Variants in TAFA2 observed in about 807,000 individuals in gnomAD.
The protein encoded by TAFA2 is chemokine-like protein TAFA-2.
In TAFA2, 7 loss-of-function variants were observed where a neutral mutation model predicts 18.8. The observed-to-expected ratio is 0.37, with a 90% CI of 0.21 to 0.70. The LOEUF (loss-of-function observed/expected upper bound fraction) is 0.70. Among genes scored for constraint, TAFA2 ranks in the 30% least tolerant of loss-of-function variants. The pLI, the probability that TAFA2 is intolerant of heterozygous loss-of-function variation, is 0.53. For synonymous variants in TAFA2, 60 were observed against 54.2 expected, an observed-to-expected ratio of 1.11 and a Z score of -0.47; for missense variants, 122 against 158.1, an observed-to-expected ratio of 0.77 and a Z score of 1.23.
intron 1 of TAFA2, among the ~76,000 whole-genome samples, chr12:62,226,745 A>G (rs2136981657): frequency 6.6e-6 from 1 of 152,340 alleles, no homozygotes; most frequent in East Asian, 1.9e-4. Flanking sequence ...ACCCAAGGCA[A>G]AAATATGGAA....
chr12:61,766,404 T>C (rs1466602878), intron 2 of TAFA2, among the ~76,000 whole-genome samples: 1 of 152,080 alleles, frequency 6.6e-6, no homozygotes, highest in African/African-American at 2.4e-5. Context: ...CATCTCTTTG[T>C]CTTTGCCAAG....
At chr12:61,941,877 G>T (rs1414546574) in intron 1 of TAFA2, among the ~76,000 whole-genome samples, 5 of 151,482 alleles carry the variant, frequency 3.3e-5, no homozygotes, top group Admixed American at 1.3e-4. Context: ...GGCTGGGGGA[G>T]GGGCGCCCGC....
chr12:61,859,654 G>C (rs745753411), intron 2 of TAFA2, among the ~76,000 whole-genome samples: 1 of 152,128 alleles, frequency 6.6e-6, no homozygotes, highest in Non-Finnish European at 1.5e-5. Context: ...GTATTGGCCA[G>C]GCTGGTCTCA....
intron 1 of TAFA2, among the ~76,000 whole-genome samples, chr12:62,047,834 T>C (rs1881949729): frequency 6.6e-6 from 1 of 152,124 alleles, no homozygotes; most frequent in Non-Finnish European, 1.5e-5. Flanking sequence ...TGCATCTAAA[T>C]GGAGGTTAAA....
At chr12:62,197,213 G>T (rs1205689924), upstream of TAFA2, among the ~76,000 whole-genome samples, 4 of 152,182 alleles carry the variant, frequency 2.6e-5, no homozygotes, top group African/African-American at 4.8e-5. Context: ...CATGAAACCG[G>T]TCCCTGGTGC....
chr12:61,733,773 T>C (rs1868259569), intron 4 of TAFA2, among the ~76,000 whole-genome samples: 1 of 152,086 alleles, frequency 6.6e-6, no homozygotes, highest in Admixed American at 6.6e-5. Context: ...TTTGGTTCCA[T>C]ACGAACTTTA....
chr12:61,805,453 G>A (rs1450490665), intron 2 of TAFA2, among the ~76,000 whole-genome samples: 1 of 151,788 alleles, frequency 6.6e-6, no homozygotes, highest in East Asian at 1.9e-4. Context: ...ATTTTTCATT[G>A]TAAACAAAAA....
At chr12:62,245,071 CAT>C (rs2062878857) in intron 1 of TAFA2, among the ~76,000 whole-genome samples, 1 of 151,808 alleles carries the variant, frequency 6.6e-6, no homozygotes, top group South Asian at 2.1e-4. Context: ...TTTTATATCT[CAT>C]AAAATAAAGC....
Position 62,213,641 on chromosome 12 carries a change from C to CAAA in TAFA2, c.-130+45119_-130+45121dup, listed in dbSNP as rs5798637. Among the ~76,000 whole-genome samples, 191 of 145,294 alleles carry CAAA rather than the reference C, an allele frequency of 1.3e-3. 1 individual carries two copies. The highest frequency in any genetic ancestry group is 7.2e-3 in the Middle Eastern group (2 of 278). On this transcript the variant is annotated intron_variant, in intron 1 of 5. Transcript: ENST00000551619. ...CTGGTGACAGACTGAGACTCTGTCT[C>CAAA]AAAAAAAAAAAAAAGTGTAAGTTGC...
intron 1 of TAFA2, among the ~76,000 whole-genome samples, chr12:61,954,591 T>C (rs1878587198): frequency 6.6e-6 from 1 of 152,036 alleles, no homozygotes; most frequent in South Asian, 2.1e-4. Flanking sequence ...AGATATATTG[T>C]TGGGGTGGAC....
At chr12:62,010,745 C>G (rs1411730544) in intron 1 of TAFA2, among the ~76,000 whole-genome samples, 2 of 145,428 alleles carry the variant, frequency 1.4e-5, no homozygotes, top group African/African-American at 5.2e-5. Flanking sequence ...AGGTGAGGGG[C>G]GTCTCTGCCC....
chr12:61,899,679 G>C (rs928481794), intron 1 of TAFA2, among the ~76,000 whole-genome samples: 6 of 152,006 alleles, frequency 3.9e-5, no homozygotes, highest in Admixed American at 3.3e-4. Flanking sequence ...GATGAGATTT[G>C]GGTGGGGACA....
chr12:61,861,848 T>C (rs1297306015), intron 2 of TAFA2, among the ~76,000 whole-genome samples: 6 of 152,204 alleles, frequency 3.9e-5, no homozygotes, highest in Non-Finnish European at 5.9e-5. Flanking sequence ...ATTTAAAAAA[T>C]TTTGTTTTTC....
intron 1 of TAFA2, among the ~76,000 whole-genome samples, chr12:61,929,163 A>G (rs1286421229): frequency 6.6e-6 from 1 of 152,068 alleles, no homozygotes. Flanking sequence ...ATAATTTAAA[A>G]AAAAAAAAAA....
intron 1 of TAFA2, among the ~76,000 whole-genome samples, chr12:61,993,622 A>G (rs1880083908): frequency 6.6e-6 from 1 of 152,180 alleles, no homozygotes; most frequent in African/African-American, 2.4e-5. Context: ...ATAAGAGCAC[A>G]AAGAGTAGAT....
intron 2 of TAFA2, among the ~76,000 whole-genome samples, chr12:61,860,117 T>G (rs1342983366): frequency 1.3e-5 from 2 of 152,170 alleles, no homozygotes; most frequent in East Asian, 3.9e-4. Flanking sequence ...AACAGCATGC[T>G]CTCAAATATG....
At chr12:61,941,786 T>A (rs1013381346) in intron 1 of TAFA2, among the ~76,000 whole-genome samples, 5 of 152,276 alleles carry the variant, frequency 3.3e-5, no homozygotes, top group African/African-American at 1.2e-4. Flanking sequence ...ATCCCACACC[T>A]GGCTCGGAGG....
At chr12:62,117,575 C>G (rs76185648) in intron 1 of TAFA2, among the ~76,000 whole-genome samples, 7,731 of 152,126 alleles carry the variant, frequency 0.051, 293 homozygotes, top group Non-Finnish European at 0.079. Context: ...AGTATCTTAT[C>G]TGTATTAAAA....
chr12:62,056,953 C>T (rs1352473036), intron 1 of TAFA2, among the ~76,000 whole-genome samples: 3 of 152,166 alleles, frequency 2.0e-5, no homozygotes, highest in African/African-American at 7.2e-5. Context: ...GAGAGAAAGG[C>T]CTGTAGTTTT....
Sources: gnomAD v4.1 joint callset for allele counts (sites outside exome capture counted in the v4.1 genomes callset) on GRCh38, gnomAD v4.1.1 for gene constraint, MANE v1.5 for transcripts, NCBI Gene and HGNC (gene_info 2026-07-23, HGNC 2026-07-21) for gene names.